Variants in PHIP observed in about 807,000 individuals in gnomAD.
PHIP encodes the protein PH-interacting protein.
A neutral mutation model predicts 236.8 loss-of-function variants in PHIP; 54 were observed. The observed-to-expected ratio is 0.23, with a 90% CI of 0.18 to 0.29. The LOEUF (loss-of-function observed/expected upper bound fraction) is 0.29. Ranked by LOEUF, PHIP falls within the 10% of genes least tolerant of loss-of-function variation. PHIP has a pLI of 1.00. For synonymous variants in PHIP, 756 were observed against 718.9 expected (o/e 1.05, Z -0.83); for missense variants, 1,370 against 2,190.8 (o/e 0.63, Z 7.48).
intron 16 of PHIP, among the ~76,000 whole-genome samples, chr6:79,003,313 T>C (rs991845710): frequency 9.2e-5 from 14 of 151,982 alleles, no homozygotes; most frequent in African/African-American, 3.4e-4. Flanking sequence ...AATCAGGTAA[T>C]ATAATACATT....
chr6:78,977,367 G>T (rs1422123265), intron 24 of PHIP, among the ~76,000 whole-genome samples: 3 of 151,912 alleles, frequency 2.0e-5, no homozygotes, highest in Admixed American at 2.0e-4. Context: ...CACACTCTGG[G>T]GACTGTTGTG....
intron 32 of PHIP, 67 bp downstream of exon 32, chr6:78,958,408 T>A: frequency 9.7e-7 from 1 of 1,027,202 alleles, no homozygotes; most frequent in East Asian, 2.5e-5. Flanking sequence ...TGTTTTCTAT[T>A]TTAAGAGGAA....
Position 79,014,939 on chromosome 6 carries a change from A to C in PHIP, c.1524+143T>G. 3 of 615,408 alleles carry C rather than the reference A, an allele frequency of 4.9e-6. No homozygotes were observed. The South Asian group carries it at 7.1e-5, about 15-fold the overall frequency. 38.1% of individuals were successfully genotyped at this position (615,408 alleles called of 1,614,324 possible). ...TTCAGCATGTCAATAAAAGTGTGGA[A>C]TAAATCATTCTTTATTGATGGGAAT... On this transcript the variant is annotated intron_variant, in intron 15 of 39. Transcript: ENST00000275034.
chr6:79,039,782 C>T (rs971470258), intron 7 of PHIP, among the ~76,000 whole-genome samples: 3 of 151,958 alleles, frequency 2.0e-5, no homozygotes, highest in Non-Finnish European at 4.4e-5. Context: ...TGCTTTTCTC[C>T]GTTAAATGTC....
At chr6:78,994,103 C>T (rs1006266293) in intron 19 of PHIP, among the ~76,000 whole-genome samples, 2 of 152,074 alleles carry the variant, frequency 1.3e-5, no homozygotes, top group African/African-American at 4.8e-5. Flanking sequence ...GTAATGGAAA[C>T]GGCAAGAGAA....
rs887318408 is a variant in PHIP at position 78,935,867 on chromosome 6, T to C, written c.*4826A>G. The C allele has an allele frequency of 9.6e-5, 42 of 437,586 alleles. No homozygotes were observed. The highest frequency in any genetic ancestry group is 1.2e-4 in the Non-Finnish European group (41 of 329,696). The allele number at this position is 437,586 out of a possible 1,614,324, so 27.1% of individuals were successfully genotyped here. ...TAATAAATCATGAGGCTCTACAAAA[T>C]AGCTTAGAAAAACAAGTTTTCTATT... On this transcript the variant is annotated 3_prime_UTR_variant, in exon 40 of 40. Coordinates refer to ENST00000275034, the MANE Select transcript of PHIP (RefSeq NM_017934.7).
At chr6:78,971,531 T>A (rs1018993752) in intron 24 of PHIP, among the ~76,000 whole-genome samples, 8 of 152,258 alleles carry the variant, frequency 5.3e-5, no homozygotes, top group African/African-American at 1.9e-4. Flanking sequence ...GGGGCCAAGA[T>A]GGCCGAATAG....
chr6:78,982,769 T>C, intron 23 of PHIP, 117 bp downstream of exon 23: 1 of 637,476 alleles, frequency 1.6e-6, no homozygotes, highest in Non-Finnish European at 2.6e-6. Flanking sequence ...TTCTGAGTTT[T>C]TTCTATTATT....
chr6:78,999,634 A>G (rs566464854), intron 17 of PHIP, among the ~76,000 whole-genome samples: 1 of 152,224 alleles, frequency 6.6e-6, no homozygotes, highest in African/African-American at 2.4e-5. Flanking sequence ...TAAAGAAGGG[A>G]GCAATTAGTA....
At position 79,066,999 on chromosome 6, in the gene PHIP, C is replaced by T. The variant is rs573449782; in HGVS notation, c.190-6181G>A. The stretch of plus-strand genomic sequence containing the variant: ...AAATTCCTGGGCTCAAACGATCCTC[C>T]GACCTCAGCCTCCAGAGCAGCTGAG... On this transcript the variant is annotated intron_variant, in intron 4 of 39. Transcript: ENST00000275034. Among the ~76,000 whole-genome samples, 11 of 152,200 alleles carry T rather than the reference C, an allele frequency of 7.2e-5. No individual in the cohort carries two copies. The East Asian group carries it at 1.4e-3, about 19-fold the overall frequency.
At chr6:78,986,260 T>C (rs544964867) in intron 21 of PHIP, among the ~76,000 whole-genome samples, 94 of 152,334 alleles carry the variant, frequency 6.2e-4, no homozygotes, top group South Asian at 1.5e-3. Flanking sequence ...TGTTTCTCTT[T>C]GGTAAATATT....
At chr6:79,025,650 T>C (rs973650374) in intron 8 of PHIP, 31 bp from the exon 9 acceptor site, 7 of 1,339,410 alleles carry the variant, frequency 5.2e-6, no homozygotes, top group Non-Finnish European at 7.4e-6. Context: ...AAAAAATCTT[T>C]ACAAGAGTGA....
Position 78,954,801 on chromosome 6 carries a change from C to A in PHIP, c.4053+13G>T, listed in dbSNP as rs1766305188. On this transcript the variant is annotated intron_variant, in intron 35 of 39. Transcript: ENST00000275034. ...AACTGACAGGTAAAGAAAATATTTTCAAAAATACTTACTGGATATTCAAGG... is the reference window on the plus strand; with the variant it reads ...AACTGACAGGTAAAGAAAATATTTTAAAAAATACTTACTGGATATTCAAGG... 1.3e-6 allele frequency: 2 copies of A among 1,551,780 alleles called. No homozygotes were observed. The highest frequency in any genetic ancestry group is 2.4e-5 in the East Asian group (1 of 42,254).
At position 78,991,086 on chromosome 6, in the gene PHIP, T is replaced by G. The variant is rs928364783; in HGVS notation, c.2202-101A>C. On this transcript the variant is annotated intron_variant, in intron 19 of 39. Coordinates refer to ENST00000275034, the MANE Select transcript of PHIP (RefSeq NM_017934.7). ...GGAAAGGAACGCTACTCCTGATGTTTTATTTTAAGATGGAAGCATGTGATA... is the reference window on the plus strand; with the variant it reads ...GGAAAGGAACGCTACTCCTGATGTTGTATTTTAAGATGGAAGCATGTGATA... 1.4e-5 allele frequency: 10 copies of G among 689,920 alleles called. No homozygotes were observed. In the South Asian group the frequency reaches 1.5e-4, roughly 10 times the overall value. The allele number at this position is 689,920 out of a possible 1,614,324, so 42.7% of individuals were successfully genotyped here.
rs757324294 is a variant in PHIP, at chr6:79,060,812, A to G, written c.196T>C (p.Tyr66His). Residue 66 changes from tyrosine to histidine, a missense_variant, in exon 5 of 40, where the codon TAT (tyrosine) becomes CAT (histidine). This residue lies in a region of PHIP where 82 missense variants were observed against 203.2 expected (regional missense o/e 0.40). Transcript: ENST00000275034. Reference protein sequence around the residue: ...HPRTYQNLVKYYRHLAPDHLL... With the variant: ...HPRTYQNLVKHYRHLAPDHLL... ...TGATCAGGTGCTAAGTGTCTGTAAT[A>G]CTTCACCTATTATGTAAAAGACAAA... 1.3e-6 allele frequency: 2 copies of G among 1,596,282 alleles called. No homozygotes were observed. Among genetic ancestry groups the G allele is most frequent in the African/African-American group, 2.7e-5 (2 of 74,186 alleles).
At chr6:78,997,150 T>C (rs1470529527) in intron 19 of PHIP, among the ~76,000 whole-genome samples, 2 of 152,102 alleles carry the variant, frequency 1.3e-5, no homozygotes, top group Non-Finnish European at 2.9e-5. Flanking sequence ...AATATGCTAC[T>C]CAATAAAACC....
Position 78,997,421 on chromosome 6 carries a change from C to T in PHIP, c.2194G>A (p.Val732Ile). 5 of 1,613,782 alleles carry T rather than the reference C, an allele frequency of 3.1e-6. No homozygotes were observed. In the East Asian group the frequency reaches 8.9e-5, roughly 29 times the overall value. Residue 732 changes from valine to isoleucine, a missense_variant, in exon 19 of 40, where the codon GTA becomes ATA. This residue lies in a region of PHIP where 133 missense variants were observed against 245.2 expected (regional missense o/e 0.54). Transcript: ENST00000275034. ...RVVVPELSAGVASRQEEWRTA... is the reference protein window; with the variant it reads ...RVVVPELSAGIASRQEEWRTA... ...ATTCACAACTTCCCTTACCTGGCTA[C>T]ACCAGCTGATAGCTCGGGTACTACC...
chr6:79,007,492 A>T (rs531219192), intron 15 of PHIP, among the ~76,000 whole-genome samples: 1 of 152,240 alleles, frequency 6.6e-6, no homozygotes, highest in East Asian at 1.9e-4. Context: ...GATCTCAATT[A>T]TATCAATCAT....
At chr6:78,968,405 G>T (rs76858017) in intron 27 of PHIP, among the ~76,000 whole-genome samples, 1 of 152,116 alleles carries the variant, frequency 6.6e-6, no homozygotes, top group Non-Finnish European at 1.5e-5. Flanking sequence ...GGCAGATTCT[G>T]CATCAGCAAC....
Sources: gnomAD v4.1 joint callset for allele counts (sites outside exome capture counted in the v4.1 genomes callset) on GRCh38, gnomAD v4.1.1 for gene constraint, gnomAD v4.1.1 regional missense constraint, MANE v1.5 for transcripts, NCBI Gene and HGNC (gene_info 2026-07-23, HGNC 2026-07-21) for gene names.